The following C8orf74 variants were observed in gnomAD, a reference collection of about 807,000 sequenced individuals.
C8orf74 encodes uncharacterized protein C8orf74.
A neutral mutation model predicts 22.2 loss-of-function variants in C8orf74; 29 were observed. That is an observed-to-expected ratio of 1.31 (90% CI 0.97 to 1.78). The LOEUF (loss-of-function observed/expected upper bound fraction) is 1.78. Ranked by LOEUF, C8orf74 falls within the 40% of genes most tolerant of loss-of-function variation. The pLI is 0.00. For missense variants in C8orf74, 515 were observed against 369.9 expected (o/e 1.39, Z -3.22); for synonymous variants, 255 against 163.1 (o/e 1.56, Z -4.30).
At chr8:10,678,226 A>G (rs948820734) in intron 2 of C8orf74, among the ~76,000 whole-genome samples, 1 of 152,194 alleles carries the variant, frequency 6.6e-6, no homozygotes, top group African/African-American at 2.4e-5. Context: ...GGCAAGTCTC[A>G]TCCTTCTGAG....
intron 2 of C8orf74, among the ~76,000 whole-genome samples, chr8:10,697,042 G>C (rs188196114): frequency 2.0e-5 from 3 of 151,930 alleles, no homozygotes; most frequent in African/African-American, 7.2e-5. Flanking sequence ...GATTATACTG[G>C]GGTAATCATA....
chr8:10,689,652 G>A (rs956146394), intron 2 of C8orf74: 61 of 152,130 alleles, frequency 4.0e-4, no homozygotes, highest in African/African-American at 1.3e-3. Context: ...ATAGCCTACC[G>A]TTGACCAGAA....
At chr8:10,695,706 TG>T (rs1799481975) in intron 2 of C8orf74, among the ~76,000 whole-genome samples, 1 of 152,052 alleles carries the variant, frequency 6.6e-6, no homozygotes, top group African/African-American at 2.4e-5. Flanking sequence ...AGACAGTCCC[TG>T]CTGAAGGGGC....
At chr8:10,674,912 TC>T in intron 2 of C8orf74, 74 bp downstream of exon 2, 1 of 1,296,782 alleles carries the variant, frequency 7.7e-7, no homozygotes, top group Non-Finnish European at 1.1e-6. Context: ...TCCCCTGCCG[TC>T]CACAGCCCCA....
chr8:10,687,688 T>G (rs1799290190), intron 2 of C8orf74, among the ~76,000 whole-genome samples: 1 of 152,172 alleles, frequency 6.6e-6, no homozygotes, highest in African/African-American at 2.4e-5. Context: ...GATTCTGCTT[T>G]TAAACACTAT....
intron 2 of C8orf74, among the ~76,000 whole-genome samples, chr8:10,682,066 C>G (rs1799163095): frequency 6.6e-6 from 1 of 152,198 alleles, no homozygotes; most frequent in Non-Finnish European, 1.5e-5. Context: ...CTGAAGTACC[C>G]CGCCCTCACA....
At chr8:10,682,745 C>G (rs7839525) in intron 2 of C8orf74, among the ~76,000 whole-genome samples, 5,851 of 152,314 alleles carry the variant, frequency 0.038, 349 homozygotes, top group African/African-American at 0.13. Flanking sequence ...AAGGCCACCA[C>G]TCCTCGGGTG....
intron 3 of C8orf74, 53 bp from the exon 4 acceptor site, chr8:10,700,182 G>A (rs1172136480): frequency 8.4e-7 from 1 of 1,186,708 alleles, no homozygotes; most frequent in Non-Finnish European, 1.2e-6. Flanking sequence ...GTTGAGAACT[G>A]GATCCGGCGA....
intron 2 of C8orf74, chr8:10,686,609 G>T: frequency 6.5e-6 from 1 of 154,856 alleles, no homozygotes; most frequent in Non-Finnish European, 1.4e-5. Flanking sequence ...ATCTTGTCTA[G>T]TCTTAGAAGC....
At chr8:10,690,354 G>A (rs1346292336) in intron 2 of C8orf74, among the ~76,000 whole-genome samples, 2 of 152,132 alleles carry the variant, frequency 1.3e-5, no homozygotes, top group African/African-American at 2.4e-5. Flanking sequence ...TACAGTCCCC[G>A]GCAGCCAGGG....
At position 10,700,286 on chromosome 8, in the gene C8orf74, C is replaced by A; in HGVS notation, c.700C>A (p.Gln234Lys). The change falls in exon 4 of 4, where the codon CAG becomes AAG. Residue 234 changes from glutamine (Q) to lysine (K), a missense_variant. Gln to Lys is a moderately conservative substitution (Grantham distance 53, BLOSUM62 1). Coordinates refer to ENST00000304519, the MANE Select transcript of C8orf74 (RefSeq NM_001040032.2). The stretch of plus-strand genomic sequence containing the variant: ...AGTCCACACCCAGATGGAGCTCCTG[C>A]AGGAGCTGCTGCAGCGCCAGATCCA... ...QAVHTQMELL[Q>K]ELLQRQIQNT... 1 of 1,613,448 alleles carries A rather than the reference C, an allele frequency of 6.2e-7. No homozygotes were observed. The highest frequency in any genetic ancestry group is 1.3e-5 in the African/African-American group (1 of 75,032).
At chr8:10,673,103 T>A (rs1012959185) in intron 1 of C8orf74, among the ~76,000 whole-genome samples, 2 of 151,454 alleles carry the variant, frequency 1.3e-5, no homozygotes, top group African/African-American at 4.9e-5. Context: ...GGAAGAGGAG[T>A]CTCTGGGGGC....
rs1211121414 is a variant in C8orf74 at position 10,697,736 on chromosome 8, T to G, written c.379T>G (p.Tyr127Asp). 1.2e-6 allele frequency: 2 copies of G among 1,613,992 alleles called. No individual in the cohort carries two copies. Among genetic ancestry groups the G allele is most frequent in the Admixed American group, 3.3e-5 (2 of 60,020 alleles). ...TFIRHYKLYQ[Y>D]VLGQDQQVDL... Reference sequence around the variant, plus strand: ...CATCCGCCACTACAAACTCTACCAGTATGTCCTGGGCCAGGACCAGCAGGT... The same window carrying G: ...CATCCGCCACTACAAACTCTACCAGGATGTCCTGGGCCAGGACCAGCAGGT... Residue 127 changes from tyrosine (Y) to aspartate (D), a missense_variant, in exon 3 of 4, where the codon TAT (tyrosine) becomes GAT (aspartate). Tyr to Asp is a radical substitution (Grantham distance 160). Coordinates refer to ENST00000304519, the MANE Select transcript of C8orf74 (RefSeq NM_001040032.2).
At chr8:10,682,241 T>C (rs1249607706) in intron 2 of C8orf74, among the ~76,000 whole-genome samples, 1 of 152,136 alleles carries the variant, frequency 6.6e-6, no homozygotes, top group African/African-American at 2.4e-5. Flanking sequence ...TGATGGATGG[T>C]GGAAGTCTCC....
At chr8:10,683,606 C>T (rs1377178245) in intron 2 of C8orf74, among the ~76,000 whole-genome samples, 3 of 152,176 alleles carry the variant, frequency 2.0e-5, no homozygotes, top group Non-Finnish European at 1.5e-5. Context: ...TCACCAAGCT[C>T]GAGTCAGCTG....
At chr8:10,681,866 T>C (rs539671115) in intron 2 of C8orf74, among the ~76,000 whole-genome samples, 24 of 152,210 alleles carry the variant, frequency 1.6e-4, no homozygotes, top group African/African-American at 5.8e-4. Context: ...GTCATGGTCC[T>C]GGCATCTGCA....
intron 1 of C8orf74, 94 bp downstream of exon 1, chr8:10,672,807 C>A (rs1031719888): frequency 4.4e-6 from 5 of 1,132,468 alleles, no homozygotes; most frequent in Admixed American, 4.2e-5. Flanking sequence ...CAGGAGACCC[C>A]GGGGCAGCCA....
At chr8:10,673,085 G>A (rs1586025760) in intron 1 of C8orf74, among the ~76,000 whole-genome samples, 1 of 152,092 alleles carries the variant, frequency 6.6e-6, no homozygotes, top group African/African-American at 2.4e-5. Flanking sequence ...CAGAAGAGTG[G>A]TGGCAGTGGA....
At chr8:10,690,129 C>T (rs913463491) in intron 2 of C8orf74, among the ~76,000 whole-genome samples, 6 of 152,192 alleles carry the variant, frequency 3.9e-5, no homozygotes, top group Non-Finnish European at 7.3e-5. Context: ...GACCCCAAAG[C>T]CGCTTGGAGC....
Sources: allele counts gnomAD v4.1 joint callset (sites outside exome capture counted in the v4.1 genomes callset), GRCh38; gene constraint gnomAD v4.1.1; transcripts MANE v1.5; gene names NCBI Gene and HGNC (gene_info 2026-07-23, HGNC 2026-07-21).